ATXN1: variants seen among roughly 807,000 people sequenced by gnomAD.
ATXN1 encodes the protein ataxin-1.
A neutral mutation model predicts 56.4 loss-of-function variants in ATXN1; 8 were observed. The observed-to-expected ratio is 0.14, with a 90% confidence interval of 0.08 to 0.26. ATXN1 has a LOEUF of 0.26. Among genes scored for constraint, ATXN1 ranks in the 10% least tolerant of loss-of-function variants. ATXN1 has a pLI of 1.00. For missense variants in ATXN1, 987 were observed against 1,106.5 expected, an observed-to-expected ratio of 0.89 and a Z score of 1.53; for synonymous variants, 514 against 494.6, an observed-to-expected ratio of 1.04 and a Z score of -0.52.
intron 5 of ATXN1, among the ~76,000 whole-genome samples, chr6:16,516,956 A>C (rs1462481836): frequency 6.6e-6 from 1 of 152,228 alleles, no homozygotes; most frequent in Non-Finnish European, 1.5e-5. Context: ...TGAGCCTCGC[A>C]AGCAGTAGCT....
intron 5 of ATXN1, among the ~76,000 whole-genome samples, chr6:16,515,945 G>A (rs1761175006): frequency 6.6e-6 from 1 of 152,120 alleles, no homozygotes; most frequent in South Asian, 2.1e-4. Context: ...TCTCATTCAG[G>A]AGGAACAAGG....
intron 2 of ATXN1, among the ~76,000 whole-genome samples, chr6:16,732,796 A>T (rs992762233): frequency 6.6e-6 from 1 of 152,198 alleles, no homozygotes; most frequent in East Asian, 1.9e-4. Context: ...TTTATGTTTG[A>T]CTAGATGTGC....
intron 5 of ATXN1, among the ~76,000 whole-genome samples, chr6:16,497,331 G>T (rs79480639): frequency 4.7e-5 from 7 of 150,380 alleles, no homozygotes; most frequent in Non-Finnish European, 7.4e-5. Context: ...AAAAAAAAAA[G>T]ATTCCCATTC....
At chr6:16,401,153 T>C (rs1758561382) in intron 6 of ATXN1, among the ~76,000 whole-genome samples, 1 of 152,242 alleles carries the variant, frequency 6.6e-6, no homozygotes, top group Non-Finnish European at 1.5e-5. Context: ...TGGAAGTGGC[T>C]TTCCAGGTCT....
intron 1 of ATXN1, 190 bp downstream of exon 1, chr6:16,761,108 G>A (rs1242028015): frequency 1.1e-5 from 4 of 364,556 alleles, no homozygotes; most frequent in Non-Finnish European, 5.4e-6. Flanking sequence ...AGAACACGAC[G>A]CGTCGATTTC....
intron 6 of ATXN1, among the ~76,000 whole-genome samples, chr6:16,444,930 G>A (rs1759602112): frequency 6.6e-6 from 1 of 152,150 alleles, no homozygotes; most frequent in Non-Finnish European, 1.5e-5. Flanking sequence ...AAATTCAGGA[G>A]ACAGAGGGAC....
intron 7 of ATXN1, among the ~76,000 whole-genome samples, chr6:16,310,681 G>A (rs527699208): frequency 6.6e-6 from 1 of 152,054 alleles, no homozygotes; most frequent in African/African-American, 2.4e-5. Flanking sequence ...TAGAGTGGGG[G>A]CTTCACCATG....
intron 1 of ATXN1, chr6:16,754,119 G>A (rs905206058): frequency 3.3e-5 from 5 of 152,206 alleles, no homozygotes; most frequent in African/African-American, 1.2e-4. Flanking sequence ...AGAAGTTGAG[G>A]ACTCGATCTG....
chr6:16,632,543 C>G (rs1763523746), intron 3 of ATXN1, among the ~76,000 whole-genome samples: 1 of 152,182 alleles, frequency 6.6e-6, no homozygotes, highest in Admixed American at 6.5e-5. Context: ...GCCACCAGCA[C>G]AGCAGGGCCA....
intron 5 of ATXN1, among the ~76,000 whole-genome samples, chr6:16,508,633 G>A (rs1200306470): frequency 6.6e-6 from 1 of 152,190 alleles, no homozygotes; most frequent in East Asian, 1.9e-4. Context: ...AACTGTTGGT[G>A]AGGACATAGA....
Position 16,613,585 on chromosome 6 carries a change from G to GGGAGGC in ATXN1, c.-488-27684_-488-27679dup, listed in dbSNP as rs561402579. On this transcript the variant is annotated intron_variant, in intron 3 of 7. Transcript: ENST00000436367. ...CTCACACCTGTAATCCCCATGCTTTGGGAGGCTGAGGCAGGATTGCTCAAG... is the reference window on the plus strand; with the variant it reads ...CTCACACCTGTAATCCCCATGCTTTGGGAGGCGGAGGCTGAGGCAGGATTGCTCAAG... Among the ~76,000 whole-genome samples, 1,202 of 150,030 alleles carry GGGAGGC rather than the reference G, an allele frequency of 8.0e-3. 13 individuals are homozygous for GGGAGGC. Among genetic ancestry groups the GGGAGGC allele is most frequent in the African/African-American group, 0.028 (1,103 of 39,460 alleles).
intron 6 of ATXN1, among the ~76,000 whole-genome samples, chr6:16,478,709 C>A (rs1273734904): frequency 6.6e-6 from 1 of 152,050 alleles, no homozygotes; most frequent in Non-Finnish European, 1.5e-5. Flanking sequence ...TGGATTTTAG[C>A]CCTGGAGAAA....
chr6:16,340,886 G>A (rs1462062661), intron 6 of ATXN1, among the ~76,000 whole-genome samples: 1 of 152,208 alleles, frequency 6.6e-6, no homozygotes, highest in Admixed American at 6.5e-5. Context: ...ATTACTCAGT[G>A]TAATGTCACC....
chr6:16,551,897 T>G (rs115683979), intron 4 of ATXN1, among the ~76,000 whole-genome samples: 2,482 of 152,260 alleles, frequency 0.016, 40 homozygotes, highest in South Asian at 0.022. Context: ...AAAAGAAAAG[T>G]CATATTCAAG....
intron 2 of ATXN1, among the ~76,000 whole-genome samples, chr6:16,745,499 G>T (rs948918884): frequency 1.3e-5 from 2 of 152,098 alleles, no homozygotes; most frequent in African/African-American, 2.4e-5. Flanking sequence ...ACATCATCAA[G>T]AACTAAAAAA....
intron 6 of ATXN1, among the ~76,000 whole-genome samples, chr6:16,402,544 A>C (rs969548674): frequency 6.6e-6 from 1 of 152,182 alleles, no homozygotes; most frequent in East Asian, 1.9e-4. Context: ...CAGAAAGAAC[A>C]TAAAACATTA....
chr6:16,376,895 A>T (rs1439572779), intron 6 of ATXN1, among the ~76,000 whole-genome samples: 1 of 152,268 alleles, frequency 6.6e-6, no homozygotes, highest in East Asian at 1.9e-4. Context: ...AAGTTATTGT[A>T]TGCAGAGAGC....
intron 6 of ATXN1, among the ~76,000 whole-genome samples, chr6:16,386,520 T>C (rs551152698): frequency 2.0e-5 from 3 of 152,348 alleles, no homozygotes; most frequent in East Asian, 1.9e-4. Flanking sequence ...GAGAAACCTA[T>C]GATAAAACCA....
chr6:16,561,769 C>T (rs1762123396), intron 4 of ATXN1, among the ~76,000 whole-genome samples: 1 of 151,954 alleles, frequency 6.6e-6, no homozygotes, highest in South Asian at 2.1e-4. Context: ...GAGGATGATC[C>T]TAGGTGAAAG....
Sources: gnomAD v4.1 joint callset for allele counts (sites outside exome capture counted in the v4.1 genomes callset) on GRCh38, gnomAD v4.1.1 for gene constraint, MANE v1.5 for transcripts, NCBI Gene and HGNC (gene_info 2026-07-23, HGNC 2026-07-21) for gene names.